CNTNAP2: variants seen among roughly 807,000 people sequenced by gnomAD.
CNTNAP2 encodes contactin-associated protein-like 2.
Under a neutral mutation model 155.2 loss-of-function variants are expected in CNTNAP2, and 98 were observed. That is an observed-to-expected ratio of 0.63 (90% CI 0.54 to 0.75). The LOEUF is 0.75. Among genes scored for constraint, CNTNAP2 ranks in the 30% least tolerant of loss-of-function variants. The probability of loss-of-function intolerance (pLI) is 0.00; values close to 1 mark genes in which losing one functional copy is unlikely to be tolerated. For missense variants in CNTNAP2, 1,727 were observed against 1,688.1 expected (o/e 1.02, Z -0.40); for synonymous variants, 651 against 631.2 (o/e 1.03, Z -0.47).
chr7:146,805,911 C>T (rs920372392), intron 2 of CNTNAP2, among the ~76,000 whole-genome samples: 2 of 151,994 alleles, frequency 1.3e-5, no homozygotes, highest in African/African-American at 4.8e-5. Flanking sequence ...TTAAAGAAAC[C>T]ATAGCTGGCC....
intron 15 of CNTNAP2, among the ~76,000 whole-genome samples, chr7:148,036,348 G>A (rs1031523966): frequency 6.6e-5 from 10 of 152,190 alleles, no homozygotes; most frequent in Non-Finnish European, 1.5e-5. Flanking sequence ...ATTCAGCAGT[G>A]TTGGGAGGTG....
intron 11 of CNTNAP2, among the ~76,000 whole-genome samples, chr7:147,503,614 C>A (rs1167060701): frequency 6.6e-6 from 1 of 152,090 alleles, no homozygotes; most frequent in Non-Finnish European, 1.5e-5. Context: ...TCTGTAGGCT[C>A]CAGTCACATT....
intron 1 of CNTNAP2, among the ~76,000 whole-genome samples, chr7:146,462,629 T>C (rs947746488): frequency 2.0e-5 from 3 of 152,224 alleles, no homozygotes; most frequent in Non-Finnish European, 2.9e-5. Flanking sequence ...CAAAGCCAGA[T>C]ATAATATAGC....
In CNTNAP2 at chr7:148,383,770, C is replaced by T; in HGVS notation, c.3597C>T (p.Ala1199=). ...AGGCCGCCTTGAGGCAGACAAACGC[C>T]TCGGCTCACGTCCACATCCAGGGCG... ...PLKAALRQTN[A]SAHVHIQGEL... The change falls in exon 22 of 24, where the codon GCC becomes GCT. Residue 1199 remains alanine, a synonymous_variant. Transcript: ENST00000361727. 6.2e-7 allele frequency: 1 copy of T among 1,614,232 alleles called. No homozygotes were observed. The highest frequency in any genetic ancestry group is 1.3e-5 in the African/African-American group (1 of 75,054).
intron 1 of CNTNAP2, among the ~76,000 whole-genome samples, chr7:146,369,410 G>T (rs1002993744): frequency 6.6e-6 from 1 of 152,088 alleles, no homozygotes; most frequent in African/African-American, 2.4e-5. Context: ...ACATCTATGG[G>T]ATATGTTCTA....
At chr7:147,789,186 C>T (rs779126375) in intron 13 of CNTNAP2, among the ~76,000 whole-genome samples, 43 of 152,044 alleles carry the variant, frequency 2.8e-4, no homozygotes, top group Admixed American at 4.6e-4. Context: ...GGATTACAGG[C>T]GTGAGCCACC....
chr7:146,440,071 C>A (rs1314288258), intron 1 of CNTNAP2, among the ~76,000 whole-genome samples: 1 of 151,608 alleles, frequency 6.6e-6, no homozygotes, highest in Non-Finnish European at 1.5e-5. Context: ...TTGCAGTGAG[C>A]TGAGGTTGTG....
chr7:146,954,351 T>A (rs1342039119), intron 3 of CNTNAP2, among the ~76,000 whole-genome samples: 1 of 151,906 alleles, frequency 6.6e-6, no homozygotes, highest in Non-Finnish European at 1.5e-5. Flanking sequence ...GTAATGGAAA[T>A]GCTGCACTAA....
intron 3 of CNTNAP2, among the ~76,000 whole-genome samples, chr7:147,011,522 G>A (rs970190561): frequency 2.0e-5 from 3 of 151,056 alleles, no homozygotes; most frequent in Non-Finnish European, 4.4e-5. Flanking sequence ...AATGTGACAT[G>A]GGATTCTGAA....
chr7:147,030,782 G>T (rs1381714993), intron 3 of CNTNAP2, among the ~76,000 whole-genome samples: 1 of 152,070 alleles, frequency 6.6e-6, no homozygotes, highest in Non-Finnish European at 1.5e-5. Context: ...ACTTTAAGAG[G>T]CCAAGGTGGG....
At chr7:146,517,316 C>T (rs2129136672) in intron 1 of CNTNAP2, among the ~76,000 whole-genome samples, 1 of 152,030 alleles carries the variant, frequency 6.6e-6, no homozygotes, top group East Asian at 1.9e-4. Context: ...AAAATTAATC[C>T]ACTATTAGGT....
intron 1 of CNTNAP2, among the ~76,000 whole-genome samples, chr7:146,401,181 AT>A (rs1457692744): frequency 6.6e-6 from 1 of 152,154 alleles, no homozygotes; most frequent in Non-Finnish European, 1.5e-5. Flanking sequence ...AATGTTTTCT[AT>A]ACATTCTCCC....
Position 148,147,601 on chromosome 7 carries a change from A to G in CNTNAP2, c.2665A>G (p.Arg889Gly). 6.2e-7 allele frequency: 1 copy of G among 1,614,100 alleles called. No homozygotes were observed. Residue 889 changes from arginine to glycine, a missense_variant, in exon 17 of 24, where the codon AGG becomes GGG. Physicochemically the swap from Arg to Gly is moderately radical, Grantham distance 125. Coordinates refer to ENST00000361727, the MANE Select transcript of CNTNAP2 (RefSeq NM_014141.6). ...DDQWHRVTAE[R>G]NVKQASLQVD... The stretch of plus-strand genomic sequence containing the variant: ...CCAGTGGCACCGGGTCACTGCAGAG[A>G]GGAATGTCAAGCAGGCCAGCCTACA...
At chr7:147,464,311 C>CA (rs1798075050) in intron 10 of CNTNAP2, among the ~76,000 whole-genome samples, 1 of 151,614 alleles carries the variant, frequency 6.6e-6, no homozygotes, top group Non-Finnish European at 1.5e-5. Context: ...ACTAAAAATA[C>CA]AAAAAATTAG....
In CNTNAP2 at chr7:147,755,161, C is replaced by T. The variant is rs78358665; in HGVS notation, c.2098+115855C>T. On this transcript the variant is annotated intron_variant, in intron 13 of 23. Transcript: ENST00000361727. The stretch of plus-strand genomic sequence containing the variant: ...TTAACCCTGCTAACTTGGATGGTGA[C>T]AGCTTAAGTGTATGAGTGATAAGAA... Among the ~76,000 whole-genome samples, 52 of 152,250 alleles carry T rather than the reference C, an allele frequency of 3.4e-4. No individual in the cohort carries two copies. In the East Asian group the frequency reaches 9.9e-3, roughly 29 times the overall value.
intron 2 of CNTNAP2, among the ~76,000 whole-genome samples, chr7:146,809,065 T>A (rs189716887): frequency 1.6e-4 from 24 of 152,308 alleles, no homozygotes; most frequent in Non-Finnish European, 3.4e-4. Flanking sequence ...TGATTTCAGT[T>A]TTTTTAGATT....
At chr7:146,901,287 T>C (rs1023027919) in intron 3 of CNTNAP2, among the ~76,000 whole-genome samples, 2 of 152,178 alleles carry the variant, frequency 1.3e-5, no homozygotes, top group Admixed American at 1.3e-4. Context: ...AATGAAGTTT[T>C]ACATTTCCAT....
intron 13 of CNTNAP2, among the ~76,000 whole-genome samples, chr7:147,775,235 ATATATATTTATATATATATT>A (rs1239598883): frequency 4.1e-5 from 5 of 121,550 alleles, no homozygotes; most frequent in Non-Finnish European, 8.2e-5. Flanking sequence ...AGAAATATAT[ATATATATTTATATATATATT>A]TATAAATATA....
chr7:146,498,970 G>A (rs6942578), intron 1 of CNTNAP2, among the ~76,000 whole-genome samples: 13,118 of 152,148 alleles, frequency 0.086, 1,518 homozygotes, highest in African/African-American at 0.26. Context: ...AGTACACATA[G>A]CATTGAAGAG....
Sources: gnomAD v4.1 joint callset for allele counts (sites outside exome capture counted in the v4.1 genomes callset) on GRCh38, gnomAD v4.1.1 for gene constraint, MANE v1.5 for transcripts, NCBI Gene and HGNC (gene_info 2026-07-23, HGNC 2026-07-21) for gene names.